Variants in GNG7 observed in about 807,000 individuals in gnomAD.
The protein encoded by GNG7 is G protein subunit gamma 7.
A neutral mutation model predicts 4.0 loss-of-function variants in GNG7; 1 was observed. That is an observed-to-expected ratio of 0.25 (90% CI 0.09 to 1.18). The LOEUF is 1.18. Ranked by LOEUF, GNG7 falls within the 50% of genes most tolerant of loss-of-function variation. The probability of loss-of-function intolerance (pLI) is 0.50; values close to 1 mark genes in which losing one functional copy is unlikely to be tolerated. For synonymous variants in GNG7, 34 were observed against 36.9 expected, an observed-to-expected ratio of 0.92 and a Z score of 0.29; for missense variants, 86 against 91.9, an observed-to-expected ratio of 0.94 and a Z score of 0.26.
At chr19:2,657,357 AAAAAATATATATATAT>A (rs1367643594) in intron 1 of GNG7, among the ~76,000 whole-genome samples, 1 of 16,164 alleles carries the variant, frequency 6.2e-5, no homozygotes, top group Non-Finnish European at 1.3e-4. Context: ...AAAAAAAAAA[AAAAAATATATATATAT>A]ATATATATAT....
At chr19:2,528,891 T>A (rs1341181633) in intron 3 of GNG7, among the ~76,000 whole-genome samples, 2 of 152,190 alleles carry the variant, frequency 1.3e-5, no homozygotes, top group Admixed American at 1.3e-4. Context: ...CAGGGACCTG[T>A]GGCAACTGCC....
At chr19:2,536,484 C>T (rs1296619339) in intron 3 of GNG7, among the ~76,000 whole-genome samples, 6 of 151,660 alleles carry the variant, frequency 4.0e-5, no homozygotes, top group African/African-American at 1.5e-4. Flanking sequence ...ACTGAAGCCA[C>T]ATGTTTTCTT....
intron 1 of GNG7, among the ~76,000 whole-genome samples, chr19:2,681,181 T>C (rs1218017797): frequency 6.6e-6 from 1 of 151,488 alleles, no homozygotes; most frequent in Non-Finnish European, 1.5e-5. Context: ...AGCAACCAAC[T>C]TTTTTTATTT....
At chr19:2,668,687 C>A (rs886524750) in intron 1 of GNG7, among the ~76,000 whole-genome samples, 1 of 152,074 alleles carries the variant, frequency 6.6e-6, no homozygotes, top group Non-Finnish European at 1.5e-5. Flanking sequence ...ATGGAAAGTT[C>A]TAGAAAATAA....
intron 3 of GNG7, among the ~76,000 whole-genome samples, chr19:2,527,431 C>G (rs1184986017): frequency 6.6e-6 from 1 of 152,172 alleles, no homozygotes; most frequent in Non-Finnish European, 1.5e-5. Context: ...TGGAGCTGTG[C>G]CCCCGCCCTC....
At chr19:2,516,110 G>T (rs1972731577) in intron 4 of GNG7, among the ~76,000 whole-genome samples, 1 of 151,894 alleles carries the variant, frequency 6.6e-6, no homozygotes, top group Admixed American at 6.6e-5. Flanking sequence ...CCAGCTAACT[G>T]GGGGGCTGAG....
intron 3 of GNG7, among the ~76,000 whole-genome samples, chr19:2,525,424 G>A (rs777402385): frequency 3.9e-5 from 6 of 152,182 alleles, no homozygotes; most frequent in Non-Finnish European, 7.4e-5. Context: ...AGCCACACCC[G>A]AGTCTAAGCC....
At chr19:2,534,173 TCA>T (rs1291447545) in intron 3 of GNG7, among the ~76,000 whole-genome samples, 1 of 152,140 alleles carries the variant, frequency 6.6e-6, no homozygotes, top group Non-Finnish European at 1.5e-5. Flanking sequence ...TGGTCCAATG[TCA>T]GTGTGATAAG....
At chr19:2,602,667 G>C (rs953628113) in intron 2 of GNG7, among the ~76,000 whole-genome samples, 1 of 152,254 alleles carries the variant, frequency 6.6e-6, no homozygotes, top group Non-Finnish European at 1.5e-5. Context: ...GGTGTTCTGG[G>C]AATCTAAATC....
chr19:2,651,126 AGT>A (rs1487325611), intron 1 of GNG7, among the ~76,000 whole-genome samples: 1 of 152,150 alleles, frequency 6.6e-6, no homozygotes, highest in Non-Finnish European at 1.5e-5. Context: ...GGCCATGGAC[AGT>A]GGTGGTGGTC....
chr19:2,582,484 T>G (rs534858782), intron 2 of GNG7, among the ~76,000 whole-genome samples: 1 of 148,620 alleles, frequency 6.7e-6, no homozygotes, highest in East Asian at 2.0e-4. Context: ...AGCCTTTAAA[T>G]GACAATTTTT....
chr19:2,675,449 G>A (rs949225954), intron 1 of GNG7, among the ~76,000 whole-genome samples: 2 of 152,108 alleles, frequency 1.3e-5, no homozygotes, highest in African/African-American at 4.8e-5. Flanking sequence ...CAGCAGTGCC[G>A]AGCAGGAGAG....
rs1472946979 is a variant in GNG7 at position 2,520,665 on chromosome 19, G to C, written c.24C>G (p.Ala8=). 6.4e-7 allele frequency: 1 copy of C among 1,550,420 alleles called. No homozygotes were observed. Among genetic ancestry groups the C allele is most frequent in the Admixed American group, 2.0e-5 (1 of 51,242 alleles). Residue 8 remains alanine, a synonymous_variant, in exon 4 of 5, where the codon GCC becomes GCG. Coordinates refer to ENST00000382159, the MANE Select transcript of GNG7 (RefSeq NM_052847.3). The part of the protein sequence containing the change: MSATNNI[A]QARKLVEQLR... ...GCTGTTCCACCAGCTTCCGGGCCTG[G>C]GCTATGTTGTTAGTGGCTGACATTG...
At position 2,512,043 on chromosome 19, in the gene GNG7, A is replaced by G; in HGVS notation, c.*2979T>C. On this transcript the variant is annotated 3_prime_UTR_variant, in exon 5 of 5. Transcript: ENST00000382159. This position sits in a 1 kb window ranked among gnomAD's most constrained non-coding sequence, Gnocchi z 4.7. ...CGTGGGAGACCCAGGCTACAGAAGG[A>G]GAAACGGCCTTCTCTCTCCCACCCG... 1.0e-6 allele frequency: 1 copy of G among 985,738 alleles called. No homozygotes were observed. Among genetic ancestry groups the G allele is most frequent in the Non-Finnish European group, 1.2e-6 (1 of 829,910 alleles). The allele number at this position is 985,738 out of a possible 1,614,324, so 61.1% of individuals were successfully genotyped here.
At chr19:2,592,515 G>A (rs543429662) in intron 2 of GNG7, among the ~76,000 whole-genome samples, 21 of 151,912 alleles carry the variant, frequency 1.4e-4, no homozygotes, top group African/African-American at 4.8e-4. Context: ...CAGGAAGATC[G>A]CTTGAGCCCA....
intron 3 of GNG7, among the ~76,000 whole-genome samples, chr19:2,532,578 T>C (rs900429619): frequency 6.6e-6 from 1 of 152,098 alleles, no homozygotes; most frequent in Non-Finnish European, 1.5e-5. Context: ...TAATGACCAA[T>C]AACTTTCTAA....
At chr19:2,652,499 A>G (rs2144867962) in intron 1 of GNG7, among the ~76,000 whole-genome samples, 1 of 152,156 alleles carries the variant, frequency 6.6e-6, no homozygotes, top group Non-Finnish European at 1.5e-5. Context: ...CATGCCTGTA[A>G]TCCCAGCTAC....
At chr19:2,585,294 T>C (rs1359130274) in intron 2 of GNG7, among the ~76,000 whole-genome samples, 2 of 152,178 alleles carry the variant, frequency 1.3e-5, no homozygotes, top group African/African-American at 4.8e-5. Flanking sequence ...TAATAATATA[T>C]CTAGCATATA....
intron 3 of GNG7, among the ~76,000 whole-genome samples, chr19:2,525,671 G>A (rs1248781738): frequency 6.6e-6 from 1 of 152,200 alleles, no homozygotes; most frequent in African/African-American, 2.4e-5. Flanking sequence ...GGGACCCCCA[G>A]GGAGCAGCCG....
Sources: gnomAD v4.1 joint callset for allele counts (sites outside exome capture counted in the v4.1 genomes callset) on GRCh38, gnomAD v4.1.1 for gene constraint, Gnocchi (gnomAD v3.1) non-coding constraint, MANE v1.5 for transcripts, NCBI Gene and HGNC (gene_info 2026-07-23, HGNC 2026-07-21) for gene names.